SPSB4: variants seen among roughly 807,000 people sequenced by gnomAD.
SPSB4 encodes splA/ryanodine receptor domain and SOCS box containing 4.
Under a neutral mutation model 20.9 loss-of-function variants are expected in SPSB4, and 21 were observed. The ratio of observed to expected loss-of-function variants is 1.01; its 90% CI spans 0.71 to 1.45. The LOEUF is 1.45. Among genes scored for constraint, SPSB4 ranks in the 40% most tolerant of loss-of-function variants. The probability of loss-of-function intolerance (pLI) is 0.00; values close to 1 mark genes in which losing one functional copy is unlikely to be tolerated. For synonymous variants in SPSB4, 207 were observed against 183.8 expected (o/e 1.13, Z -1.02); for missense variants, 399 against 399.2 (o/e 1.00, Z 0.00).
At chr3:141,143,922 T>C (rs1939373636) in intron 2 of SPSB4, among the ~76,000 whole-genome samples, 1 of 152,216 alleles carries the variant, frequency 6.6e-6, no homozygotes, top group African/African-American at 2.4e-5. Flanking sequence ...CATTAATATA[T>C]AAATGTAAGT....
intron 1 of SPSB4, among the ~76,000 whole-genome samples, chr3:141,061,805 G>C (rs1576514241): frequency 6.8e-6 from 1 of 147,492 alleles, no homozygotes; most frequent in South Asian, 2.1e-4. Context: ...GCACGATCTT[G>C]GCTTACTGCA....
At chr3:141,087,109 G>GCC (rs1303592631) in intron 2 of SPSB4, among the ~76,000 whole-genome samples, 2 of 152,234 alleles carry the variant, frequency 1.3e-5, no homozygotes, top group Non-Finnish European at 2.9e-5. Flanking sequence ...AGCCTTCACA[G>GCC]CCAGATTTGC....
intron 2 of SPSB4, among the ~76,000 whole-genome samples, chr3:141,089,714 A>T (rs1389308556): frequency 6.6e-6 from 1 of 152,232 alleles, no homozygotes; most frequent in East Asian, 1.9e-4. Flanking sequence ...GATGATGGAC[A>T]CATTTGGACA....
At chr3:141,134,882 CTT>C (rs759838468) in intron 2 of SPSB4, among the ~76,000 whole-genome samples, 19 of 136,098 alleles carry the variant, frequency 1.4e-4, no homozygotes, top group East Asian at 2.2e-4. Context: ...GGAATAGTTT[CTT>C]TTTTTTTTTT....
chr3:141,054,466 T>C (rs1177517166), intron 1 of SPSB4, among the ~76,000 whole-genome samples: 1 of 152,336 alleles, frequency 6.6e-6, no homozygotes, highest in East Asian at 1.9e-4. Context: ...ATAAGCCAAC[T>C]AATTTATTTG....
intron 2 of SPSB4, among the ~76,000 whole-genome samples, chr3:141,071,088 G>A (rs1937993647): frequency 6.6e-6 from 1 of 152,328 alleles, no homozygotes; most frequent in Non-Finnish European, 1.5e-5. Context: ...ATGCTAAGTT[G>A]TATAAAGGCA....
chr3:141,082,922 GCTTT>G (rs1189632635), intron 2 of SPSB4, among the ~76,000 whole-genome samples: 15 of 146,482 alleles, frequency 1.0e-4, no homozygotes, highest in South Asian at 8.4e-4. Context: ...CGCCATCCCT[GCTTT>G]CTTTGTTTGG....
At chr3:141,132,154 C>A (rs1303585451) in intron 2 of SPSB4, 1 of 424,302 alleles carries the variant, frequency 2.4e-6, no homozygotes. Context: ...CCCCAGGTCC[C>A]TAAAGTCCAT....
chr3:141,104,193 G>A (rs1484771454), intron 2 of SPSB4, among the ~76,000 whole-genome samples: 4 of 152,206 alleles, frequency 2.6e-5, no homozygotes, highest in South Asian at 2.1e-4. Flanking sequence ...GGACTGGGCC[G>A]AGAGGAGGAC....
chr3:141,052,401 T>A (rs1936110024), intron 1 of SPSB4, among the ~76,000 whole-genome samples: 1 of 152,180 alleles, frequency 6.6e-6, no homozygotes, highest in Non-Finnish European at 1.5e-5. Flanking sequence ...ATCTATGGGA[T>A]GGTGTTCGTA....
At chr3:141,107,680 G>A (rs951974741) in intron 2 of SPSB4, among the ~76,000 whole-genome samples, 6 of 152,220 alleles carry the variant, frequency 3.9e-5, no homozygotes, top group African/African-American at 1.4e-4. Context: ...TTTGTGCCCA[G>A]GCACAGTGGC....
intron 2 of SPSB4, among the ~76,000 whole-genome samples, chr3:141,074,204 C>T (rs1015118114): frequency 1.3e-5 from 2 of 152,104 alleles, no homozygotes; most frequent in African/African-American, 4.8e-5. Flanking sequence ...TTAGCTGTGA[C>T]CCTGAACAAG....
intron 2 of SPSB4, among the ~76,000 whole-genome samples, chr3:141,127,181 T>TG (rs1939062696): frequency 6.6e-6 from 1 of 152,300 alleles, no homozygotes; most frequent in East Asian, 1.9e-4. Context: ...TCAGCAGGGC[T>TG]GGGGGGTGCA....
At chr3:141,114,751 A>T (rs1316073290) in intron 2 of SPSB4, among the ~76,000 whole-genome samples, 1 of 152,214 alleles carries the variant, frequency 6.6e-6, no homozygotes, top group African/African-American at 2.4e-5. Flanking sequence ...ATTCAAAAAA[A>T]GTTCATTTTC....
intron 2 of SPSB4, among the ~76,000 whole-genome samples, chr3:141,141,649 A>T (rs955665215): frequency 3.9e-5 from 6 of 152,194 alleles, no homozygotes; most frequent in African/African-American, 1.4e-4. Context: ...TACCTGATAG[A>T]ATTCAGCTGT....
rs544682318 is a variant in SPSB4 at position 141,060,105 on chromosome 3, C to T, written c.-153-5847C>T. ...TTTACTTGCCCACCTTGTCACACCA[C>T]AGTGTGAGCACTCTTCAGGATCTCT... On this transcript the variant is annotated intron_variant, in intron 1 of 2. Coordinates refer to ENST00000310546, the MANE Select transcript of SPSB4 (RefSeq NM_080862.3). 5.9e-5 allele frequency among the ~76,000 whole-genome samples: 9 copies of T among 152,344 alleles called. No homozygotes were observed. In the East Asian group the frequency reaches 1.2e-3, roughly 20 times the overall value.
chr3:141,119,030 G>C (rs1938923051), intron 2 of SPSB4, among the ~76,000 whole-genome samples: 1 of 152,174 alleles, frequency 6.6e-6, no homozygotes, highest in African/African-American at 2.4e-5. Flanking sequence ...TGTGAAGAAA[G>C]TCATTGGCAG....
At chr3:141,117,874 G>A (rs1200549668) in intron 2 of SPSB4, among the ~76,000 whole-genome samples, 14 of 152,216 alleles carry the variant, frequency 9.2e-5, no homozygotes, top group Admixed American at 8.5e-4. Flanking sequence ...TGGTGTATAT[G>A]TGCCATATGT....
rs1937896473 is a variant in SPSB4 at position 141,066,852 on chromosome 3, G to A, written c.694+54G>A. 5 of 1,475,866 alleles carry A rather than the reference G, an allele frequency of 3.4e-6. No individual in the cohort carries two copies. The Admixed American group carries it at 6.9e-5, about 20-fold the overall frequency. 91.4% of individuals were successfully genotyped at this position (1,475,866 alleles called of 1,614,324 possible). On this transcript the variant is annotated intron_variant, in intron 2 of 2. Transcript: ENST00000310546. ...CTTTCAGAGGCTGCCAGGCCCTAGG[G>A]AAGCTGGGCAGGCCACACCTCCATC...
Sources: gnomAD v4.1 joint callset for allele counts (sites outside exome capture counted in the v4.1 genomes callset) on GRCh38, gnomAD v4.1.1 for gene constraint, MANE v1.5 for transcripts, NCBI Gene and HGNC (gene_info 2026-07-23, HGNC 2026-07-21) for gene names.